The following MARCHF3 variants were observed in gnomAD, a reference collection of about 807,000 sequenced individuals.
The protein encoded by MARCHF3 is membrane associated ring-CH-type finger 3, also known as E3 ubiquitin-protein ligase MARCHF3.
Under a neutral mutation model 24.2 loss-of-function variants are expected in MARCHF3, and 13 were observed. That is an observed-to-expected ratio of 0.54 (90% CI 0.35 to 0.85). The LOEUF (loss-of-function observed/expected upper bound fraction) is 0.85, where lower values mean the gene tolerates loss of function less well. MARCHF3 is among the 40% of genes least tolerant of loss of function. MARCHF3 has a pLI of 0.01. For missense variants in MARCHF3, 276 were observed against 325.0 expected (o/e 0.85, Z 1.16); for synonymous variants, 144 against 137.3 (o/e 1.05, Z -0.34).
chr5:126,923,209 G>C (rs553061158), intron 1 of MARCHF3, among the ~76,000 whole-genome samples: 7 of 152,302 alleles, frequency 4.6e-5, no homozygotes, highest in Admixed American at 2.0e-4. Flanking sequence ...TATGATGTTG[G>C]AGATACGTGG....
chr5:127,028,460 T>C (rs1033497580), intron 1 of MARCHF3, among the ~76,000 whole-genome samples: 2 of 152,180 alleles, frequency 1.3e-5, no homozygotes, highest in African/African-American at 4.8e-5. Flanking sequence ...TATGAATATA[T>C]GTCCAGGTTA....
At chr5:126,918,742 T>C (rs1748997039) in intron 1 of MARCHF3, among the ~76,000 whole-genome samples, 1 of 152,258 alleles carries the variant, frequency 6.6e-6, no homozygotes, top group Non-Finnish European at 1.5e-5. Context: ...ATTAATAGTA[T>C]GTTCTAGGAC....
intron 1 of MARCHF3, among the ~76,000 whole-genome samples, chr5:126,957,355 G>A (rs1409791792): frequency 6.6e-6 from 1 of 152,014 alleles, no homozygotes; most frequent in Non-Finnish European, 1.5e-5. Context: ...CAGGCTATTT[G>A]ACACATAAGC....
In MARCHF3 at chr5:126,914,811, C is replaced by G. The variant is rs6880409; in HGVS notation, c.393+119G>C. 2,953 of 869,090 alleles carry G rather than the reference C, an allele frequency of 3.4e-3. 40 individuals are homozygous for G. In the African/African-American group the frequency reaches 0.036, roughly 10 times the overall value. 53.8% of individuals were successfully genotyped at this position (869,090 alleles called of 1,614,324 possible). On this transcript the variant is annotated intron_variant, in intron 3 of 4. Transcript: ENST00000308660. ...ACACACACACACACACACACACACA[C>G]AGTCACATAGCTATTACCGTGCTTC...
intron 1 of MARCHF3, among the ~76,000 whole-genome samples, chr5:126,971,779 C>T (rs1751023375): frequency 6.6e-6 from 1 of 152,194 alleles, no homozygotes; most frequent in African/African-American, 2.4e-5. Context: ...AGTCACTAGG[C>T]TTCTAAGAAG....
intron 4 of MARCHF3, among the ~76,000 whole-genome samples, chr5:126,877,919 C>G (rs139976637): frequency 1.3e-5 from 2 of 152,172 alleles, no homozygotes; most frequent in African/African-American, 4.8e-5. Context: ...GAGAAACGTC[C>G]ATGGTGTGTC....
At chr5:126,889,824 T>A (rs1753622572) in intron 3 of MARCHF3, among the ~76,000 whole-genome samples, 11 of 152,158 alleles carry the variant, frequency 7.2e-5, no homozygotes, top group Admixed American at 7.2e-4. Context: ...GGAGGTGGTA[T>A]CTCCTTATTT....
chr5:126,999,685 G>A (rs1414565961), intron 1 of MARCHF3, among the ~76,000 whole-genome samples: 2 of 152,106 alleles, frequency 1.3e-5, no homozygotes, highest in Non-Finnish European at 2.9e-5. Context: ...GTTACCAGAT[G>A]GTCAACTCCT....
rs1321271931 is a variant in MARCHF3 at position 126,874,919 on chromosome 5, A to G, written c.603+3266T>C. ...TTCCCCCTTTATAAGAAGAATTTAA[A>G]CAATCAAACCTTGGGACTGGGAGTC... On this transcript the variant is annotated intron_variant, in intron 4 of 4. Transcript: ENST00000308660. Among the ~76,000 whole-genome samples, 3 of 152,220 alleles carry G rather than the reference A, an allele frequency of 2.0e-5. No individual in the cohort carries two copies. In the South Asian group the frequency reaches 6.2e-4, roughly 32 times the overall value.
rs145010037 is a variant in MARCHF3 at position 126,937,677 on chromosome 5, T to C, written c.-56-19450A>G. On this transcript the variant is annotated intron_variant, in intron 1 of 4. Coordinates refer to ENST00000308660, the MANE Select transcript of MARCHF3 (RefSeq NM_178450.5). Reference sequence around the variant, plus strand: ...GATTTCTGACCCAAATTTCTATGAATTGCTACCACTATTATTATTTAATAC... The same window carrying C: ...GATTTCTGACCCAAATTTCTATGAACTGCTACCACTATTATTATTTAATAC... 2.7e-4 allele frequency among the ~76,000 whole-genome samples: 41 copies of C among 152,360 alleles called. No individual in the cohort carries two copies. The East Asian group carries it at 5.8e-3, about 21-fold the overall frequency.
At chr5:126,894,089 T>C (rs1463278363) in intron 3 of MARCHF3, among the ~76,000 whole-genome samples, 5 of 142,546 alleles carry the variant, frequency 3.5e-5, no homozygotes, top group Non-Finnish European at 6.0e-5. Flanking sequence ...TAAAGTCCGT[T>C]TTATCAGAGA....
At chr5:126,913,955 T>C (rs1441455135) in intron 3 of MARCHF3, among the ~76,000 whole-genome samples, 3 of 151,870 alleles carry the variant, frequency 2.0e-5, no homozygotes, top group African/African-American at 7.3e-5. Flanking sequence ...TATTAAAATA[T>C]TTACTGTTGC....
intron 1 of MARCHF3, among the ~76,000 whole-genome samples, chr5:126,937,916 T>C (rs1355408314): frequency 6.6e-6 from 1 of 152,138 alleles, no homozygotes; most frequent in Non-Finnish European, 1.5e-5. Context: ...TAACACTGAG[T>C]AGGAGTGAAG....
intron 1 of MARCHF3, among the ~76,000 whole-genome samples, chr5:126,936,056 C>T (rs1447203841): frequency 6.6e-6 from 1 of 152,110 alleles, no homozygotes; most frequent in Non-Finnish European, 1.5e-5. Context: ...AATCTATAAT[C>T]CCTGCTACAC....
At chr5:126,877,672 ACAGAATAAT>A (rs1184278774) in intron 4 of MARCHF3, among the ~76,000 whole-genome samples, 6 of 152,216 alleles carry the variant, frequency 3.9e-5, no homozygotes, top group Non-Finnish European at 8.8e-5. Flanking sequence ...ATCCCAACAC[ACAGAATAAT>A]CACCAGGCAA....
chr5:126,989,805 C>A (rs967276249), intron 1 of MARCHF3, among the ~76,000 whole-genome samples: 1 of 152,102 alleles, frequency 6.6e-6, no homozygotes, highest in African/African-American at 2.4e-5. Context: ...GTGTCTCTTG[C>A]AGCAATATCA....
intron 1 of MARCHF3, among the ~76,000 whole-genome samples, chr5:126,919,229 A>G (rs1235968085): frequency 6.6e-6 from 1 of 152,234 alleles, no homozygotes; most frequent in African/African-American, 2.4e-5. Flanking sequence ...ACTGGATTCA[A>G]TAATAGGTCA....
In MARCHF3 at chr5:126,931,714, G is replaced by A. The variant is rs184511201; in HGVS notation, c.-56-13487C>T. On this transcript the variant is annotated intron_variant, in intron 1 of 4. Coordinates refer to ENST00000308660, the MANE Select transcript of MARCHF3 (RefSeq NM_178450.5). ...TGACTACTAAAGTATAATCTCTACC[G>A]CAAAGTTGTAACATGAGGATAACAG... Among the ~76,000 whole-genome samples the A allele has an allele frequency of 6.6e-5, 10 of 151,976 alleles. No homozygotes were observed. The East Asian group carries it at 7.7e-4, about 12-fold the overall frequency.
chr5:126,915,149 G>A lies in MARCHF3; in HGVS notation c.189-15C>T. The A allele has an allele frequency of 6.2e-7, 1 of 1,611,552 alleles. No individual in the cohort carries two copies. Among genetic ancestry groups the A allele is most frequent in the Non-Finnish European group, 8.5e-7 (1 of 1,179,444 alleles). On this transcript the variant is annotated splice_polypyrimidine_tract_variant and intron_variant, in intron 2 of 4. Coordinates refer to ENST00000308660, the MANE Select transcript of MARCHF3 (RefSeq NM_178450.5). Reference sequence around the variant, plus strand: ...CATTGAAGGGGCTGCAAGAGAAGGAGGGGCACCTGCTGGTCACTGGGCTGG... The same window carrying A: ...CATTGAAGGGGCTGCAAGAGAAGGAAGGGCACCTGCTGGTCACTGGGCTGG...
Sources: gnomAD v4.1 joint callset for allele counts (sites outside exome capture counted in the v4.1 genomes callset) on GRCh38, gnomAD v4.1.1 for gene constraint, MANE v1.5 for transcripts, NCBI Gene and HGNC (gene_info 2026-07-23, HGNC 2026-07-21) for gene names.